LAMC1: variants seen among roughly 807,000 people sequenced by gnomAD.
LAMC1 encodes laminin subunit gamma-1.
LAMC1 carries 38 observed loss-of-function variants against 173.6 expected under a neutral mutation model. The ratio of observed to expected loss-of-function variants is 0.22; its 90% CI spans 0.17 to 0.29. LAMC1 has a LOEUF of 0.29. Ranked by LOEUF, LAMC1 falls within the 10% of genes least tolerant of loss-of-function variation. The pLI, the probability that LAMC1 is intolerant of heterozygous loss-of-function variation, is 1.00. For synonymous variants in LAMC1, 746 were observed against 749.1 expected (o/e 1.00, Z 0.07); for missense variants, 1,824 against 2,051.8 (o/e 0.89, Z 2.14).
chr1:183,043,134 G>GT (rs1654184205), intron 1 of LAMC1, among the ~76,000 whole-genome samples: 1 of 151,930 alleles, frequency 6.6e-6, no homozygotes, highest in Non-Finnish European at 1.5e-5. Flanking sequence ...TGTGAATCAT[G>GT]TTTTAACCAT....
At chr1:183,137,901 G>T in intron 26 of LAMC1, 74 bp downstream of exon 26, 1 of 1,287,694 alleles carries the variant, frequency 7.8e-7, no homozygotes, top group South Asian at 2.0e-5. Context: ...CCCACTTGTT[G>T]AGAAGAGTCT....
chr1:183,132,292 AAATAATAAT>A (rs57729826), intron 20 of LAMC1, 99 bp from the exon 21 acceptor site: 27 of 677,376 alleles, frequency 4.0e-5, no homozygotes, highest in African/African-American at 3.5e-4. Context: ...ACTCCATTTC[AAATAATAAT>A]AATAATAATA....
chr1:183,060,960 G>A (rs1202614414), intron 1 of LAMC1, among the ~76,000 whole-genome samples: 1 of 152,202 alleles, frequency 6.6e-6, no homozygotes, highest in African/African-American at 2.4e-5. Flanking sequence ...ATTGAGATGT[G>A]TTAGGAAGGG....
At chr1:183,070,684 T>C (rs1227667362) in intron 1 of LAMC1, among the ~76,000 whole-genome samples, 1 of 152,224 alleles carries the variant, frequency 6.6e-6, no homozygotes, top group Non-Finnish European at 1.5e-5. Context: ...AAATAAACTT[T>C]AATTTAGGGA....
intron 1 of LAMC1, among the ~76,000 whole-genome samples, chr1:183,029,361 G>C (rs576804581): frequency 3.3e-5 from 5 of 152,230 alleles, no homozygotes; most frequent in Non-Finnish European, 5.9e-5. Flanking sequence ...AAATAAACTG[G>C]TGGGCTTTCT....
chr1:183,100,295 A>C (rs549925383), intron 1 of LAMC1, among the ~76,000 whole-genome samples: 31 of 152,100 alleles, frequency 2.0e-4, no homozygotes, highest in African/African-American at 7.0e-4. Context: ...CCTAATCTCC[A>C]CACTGATCTT....
chr1:183,116,498 C>T (rs1656326433), intron 6 of LAMC1, 79 bp from the exon 7 acceptor site: 1 of 971,492 alleles, frequency 1.0e-6, no homozygotes, highest in African/African-American at 1.6e-5. Context: ...AATCTGTTAA[C>T]ATGTAAAACA....
chr1:183,052,434 A>C (rs1654455207), intron 1 of LAMC1, among the ~76,000 whole-genome samples: 1 of 152,026 alleles, frequency 6.6e-6, no homozygotes, highest in South Asian at 2.1e-4. Context: ...CCTGGGTTCA[A>C]GCAGTTCTCA....
chr1:183,098,428 C>T (rs1655749928), intron 1 of LAMC1, among the ~76,000 whole-genome samples: 1 of 152,154 alleles, frequency 6.6e-6, no homozygotes, highest in Admixed American at 6.5e-5. Flanking sequence ...CTTTATTCCC[C>T]TTGTCTTGTT....
intron 1 of LAMC1, among the ~76,000 whole-genome samples, chr1:183,036,183 C>A (rs1653975771): frequency 6.6e-6 from 1 of 151,682 alleles, no homozygotes; most frequent in Non-Finnish European, 1.5e-5. Context: ...ACTGCAACTT[C>A]CGCCTCCCGG....
At chr1:183,128,928 G>T in intron 18 of LAMC1, 178 bp downstream of exon 18, 1 of 393,332 alleles carries the variant, frequency 2.5e-6, no homozygotes, top group Non-Finnish European at 4.4e-6. Context: ...CAAATTTACT[G>T]CTTTAAGCTA....
chr1:183,093,121 G>A (rs1655607084), intron 1 of LAMC1, among the ~76,000 whole-genome samples: 1 of 152,074 alleles, frequency 6.6e-6, no homozygotes, highest in Non-Finnish European at 1.5e-5. Flanking sequence ...TCCATCCTGG[G>A]CGATTTAGGG....
intron 1 of LAMC1, among the ~76,000 whole-genome samples, chr1:183,064,599 G>C (rs150195865): frequency 6.6e-6 from 1 of 152,158 alleles, no homozygotes; most frequent in African/African-American, 2.4e-5. Context: ...AACAGTGGCC[G>C]TAGTGGTGTT....
In LAMC1 at chr1:183,142,870, C is replaced by T. The variant is rs1024649325; in HGVS notation, c.*80C>T. 9 of 1,424,020 alleles carry T rather than the reference C, an allele frequency of 6.3e-6. No individual in the cohort carries two copies. Among genetic ancestry groups the T allele is most frequent in the Non-Finnish European group, 7.6e-6 (8 of 1,047,648 alleles). The allele number at this position is 1,424,020 out of a possible 1,614,324, so 88.2% of individuals were successfully genotyped here. On this transcript the variant is annotated 3_prime_UTR_variant, in exon 28 of 28. Transcript: ENST00000258341. Reference sequence around the variant, plus strand: ...ACAGAGTGCCTTGACACAAAGATTACATTTTTCAGACCCCCACTCCTCTGC... The same window carrying T: ...ACAGAGTGCCTTGACACAAAGATTATATTTTTCAGACCCCCACTCCTCTGC...
At chr1:183,086,855 A>AT (rs1490412782) in intron 1 of LAMC1, among the ~76,000 whole-genome samples, 1 of 152,164 alleles carries the variant, frequency 6.6e-6, no homozygotes, top group Non-Finnish European at 1.5e-5. Flanking sequence ...TTCCTGTGGC[A>AT]TTTTAGCATT....
chr1:183,133,575 G>A, intron 22 of LAMC1, 25 bp downstream of exon 22: 1 of 1,584,484 alleles, frequency 6.3e-7, no homozygotes, highest in Non-Finnish European at 8.6e-7. Context: ...TGTACGCACA[G>A]CCCCACCCCG....
intron 17 of LAMC1, among the ~76,000 whole-genome samples, chr1:183,128,263 A>G (rs4651143): frequency 0.52 from 78,713 of 151,932 alleles, 21,085 homozygotes; most frequent in South Asian, 0.65. Context: ...TCATCAGCAT[A>G]CAGTCTTTAA....
chr1:183,118,403 A>ATT (rs1416841461), intron 11 of LAMC1, among the ~76,000 whole-genome samples: 1 of 152,164 alleles, frequency 6.6e-6, no homozygotes, highest in Non-Finnish European at 1.5e-5. Flanking sequence ...TTGAGGTTAC[A>ATT]TTGTATATAA....
At chr1:183,111,428 T>A (rs1177287601) in intron 4 of LAMC1, among the ~76,000 whole-genome samples, 1 of 152,038 alleles carries the variant, frequency 6.6e-6, no homozygotes, top group Non-Finnish European at 1.5e-5. Context: ...TTTATCTCAC[T>A]GAAGAGTACA....
Sources: gnomAD v4.1 joint callset for allele counts (sites outside exome capture counted in the v4.1 genomes callset) on GRCh38, gnomAD v4.1.1 for gene constraint, MANE v1.5 for transcripts, NCBI Gene and HGNC (gene_info 2026-07-23, HGNC 2026-07-21) for gene names.